The following ZNF385D variants were observed in gnomAD, a reference collection of about 807,000 sequenced individuals.
ZNF385D encodes zinc finger protein 385D.
ZNF385D carries 15 observed loss-of-function variants against 35.8 expected under a neutral mutation model. That is an observed-to-expected ratio of 0.42 (90% confidence interval 0.28 to 0.64). The LOEUF is 0.64. Among genes scored for constraint, ZNF385D ranks in the 30% least tolerant of loss-of-function variants. ZNF385D has a pLI of 0.23. For missense variants in ZNF385D, 474 were observed against 494.6 expected (o/e 0.96, Z 0.39); for synonymous variants, 212 against 186.8 (o/e 1.13, Z -1.10).
chr3:21,698,835 G>C (rs908691485), intron 1 of ZNF385D, among the ~76,000 whole-genome samples: 1 of 152,068 alleles, frequency 6.6e-6, no homozygotes, highest in Non-Finnish European at 1.5e-5. Flanking sequence ...AAAAAGTCAG[G>C]AAACAACAGA....
chr3:21,787,319 T>G (rs1214310592), intron 3 of ZNF385D, among the ~76,000 whole-genome samples: 1 of 151,954 alleles, frequency 6.6e-6, no homozygotes, highest in Non-Finnish European at 1.5e-5. Flanking sequence ...ACTGAGAAAA[T>G]GGACTTCGAA....
intron 3 of ZNF385D, among the ~76,000 whole-genome samples, chr3:22,145,669 A>T (rs1402986642): frequency 3.3e-5 from 5 of 152,178 alleles, no homozygotes; most frequent in African/African-American, 1.2e-4. Flanking sequence ...TGGGATGGGG[A>T]TGAGGAGTTA....
At chr3:21,544,058 G>A (rs1278943313) in intron 3 of ZNF385D, among the ~76,000 whole-genome samples, 1 of 152,202 alleles carries the variant, frequency 6.6e-6, no homozygotes, top group Non-Finnish European at 1.5e-5. Context: ...CCTAAAGAAA[G>A]ACAAGCACTT....
chr3:21,942,390 A>G (rs1380798225), intron 3 of ZNF385D, among the ~76,000 whole-genome samples: 3 of 152,218 alleles, frequency 2.0e-5, no homozygotes, highest in South Asian at 2.1e-4. Flanking sequence ...CTTCCTTACT[A>G]TGACACATAA....
intron 3 of ZNF385D, among the ~76,000 whole-genome samples, chr3:21,974,888 A>G (rs1210847312): frequency 6.6e-6 from 1 of 152,144 alleles, no homozygotes; most frequent in African/African-American, 2.4e-5. Context: ...ATCCCAGTTA[A>G]AAGGGTTTTG....
rs746553669 is a variant in ZNF385D at position 21,751,187 on chromosome 3, T to G, written c.-271A>C. 7.3e-7 allele frequency: 1 copy of G among 1,374,636 alleles called. No individual in the cohort carries two copies. The highest frequency in any genetic ancestry group is 9.4e-7 in the Non-Finnish European group (1 of 1,062,138). The allele number at this position is 1,374,636 out of a possible 1,614,324, so 85.2% of individuals were successfully genotyped here. ...ATCCGACTCCTCCTTGCGATGTCCT[T>G]GCCGCGCCTGTGACATCAGGACTGA... On this transcript the variant is annotated 5_prime_UTR_variant, in exon 1 of 8. Coordinates refer to ENST00000281523, the MANE Select transcript of ZNF385D (RefSeq NM_024697.3).
intron 3 of ZNF385D, among the ~76,000 whole-genome samples, chr3:21,925,186 T>C (rs938238466): frequency 2.6e-5 from 4 of 152,118 alleles, no homozygotes; most frequent in Admixed American, 2.6e-4. Context: ...GTAGGTAGAA[T>C]AGCTAAAATA....
At chr3:22,021,868 C>T (rs554150357) in intron 3 of ZNF385D, among the ~76,000 whole-genome samples, 26 of 152,152 alleles carry the variant, frequency 1.7e-4, no homozygotes, top group Admixed American at 9.8e-4. Context: ...GTCTAGGATG[C>T]GGCCTGCACT....
intron 2 of ZNF385D, among the ~76,000 whole-genome samples, chr3:22,311,107 CA>C (rs748528418): frequency 5.3e-5 from 8 of 151,644 alleles, no homozygotes; most frequent in Non-Finnish European, 5.9e-5. Flanking sequence ...AAGATGAAAT[CA>C]GGGGTACGAC....
intron 3 of ZNF385D, among the ~76,000 whole-genome samples, chr3:21,969,374 G>A (rs1184998554): frequency 6.6e-6 from 1 of 152,184 alleles, no homozygotes; most frequent in East Asian, 1.9e-4. Context: ...AAGATCTGAT[G>A]GTTTTATAAG....
intron 3 of ZNF385D, among the ~76,000 whole-genome samples, chr3:22,124,864 C>T (rs758552078): frequency 4.6e-5 from 7 of 152,070 alleles, no homozygotes; most frequent in Middle Eastern, 6.8e-3. Context: ...CCATACTGTG[C>T]GTTGTTTCTT....
intron 3 of ZNF385D, among the ~76,000 whole-genome samples, chr3:21,763,094 G>A (rs933379448): frequency 6.6e-6 from 1 of 152,082 alleles, no homozygotes; most frequent in African/African-American, 2.4e-5. Context: ...CCAAAGACAA[G>A]AATATGGTAA....
At chr3:21,822,611 C>T (rs548095273) in intron 3 of ZNF385D, among the ~76,000 whole-genome samples, 11 of 151,748 alleles carry the variant, frequency 7.2e-5, no homozygotes, top group African/African-American at 1.5e-4. Context: ...GAATGGAAAC[C>T]GAAAAAGAAT....
chr3:21,548,148 T>A lies in ZNF385D; in HGVS notation c.276+16426A>T, dbSNP rs185671646. Among the ~76,000 whole-genome samples, 3 of 152,206 alleles carry A rather than the reference T, an allele frequency of 2.0e-5. No individual in the cohort carries two copies. In the East Asian group the frequency reaches 5.8e-4, roughly 30 times the overall value. ...TCTTTTCACCCAATAAAACCCTGCT[T>A]TACTCACCCTTTACGCCATTTGGGA... is the stretch of plus-strand genomic sequence containing the variant. On this transcript the variant is annotated intron_variant, in intron 3 of 7. Coordinates refer to ENST00000281523, the MANE Select transcript of ZNF385D (RefSeq NM_024697.3).
intron 3 of ZNF385D, among the ~76,000 whole-genome samples, chr3:22,079,658 G>A (rs964701791): frequency 6.6e-6 from 1 of 151,682 alleles, no homozygotes; most frequent in African/African-American, 2.4e-5. Context: ...AGATTATTTT[G>A]GTTTCATTGA....
chr3:22,017,453 C>T (rs1696962089), intron 3 of ZNF385D, among the ~76,000 whole-genome samples: 1 of 151,884 alleles, frequency 6.6e-6, no homozygotes, highest in Non-Finnish European at 1.5e-5. Flanking sequence ...GAAATCAAAG[C>T]TCTATTATTT....
rs62236080 is a variant in ZNF385D at position 21,556,803 on chromosome 3, C to T, written c.276+7771G>A. On this transcript the variant is annotated intron_variant, in intron 3 of 7. Transcript: ENST00000281523. ...TTTCACGATATCGATTCTTCCTATCCGTGGGCATGGAATGTTTTTCCATTT... is the reference window on the plus strand; with the variant it reads ...TTTCACGATATCGATTCTTCCTATCTGTGGGCATGGAATGTTTTTCCATTT... Among the ~76,000 whole-genome samples the T allele has an allele frequency of 7.5e-3, 1,142 of 152,238 alleles. 8 individuals are homozygous for T. The highest frequency in any genetic ancestry group is 0.011 in the Non-Finnish European group (772 of 68,024).
intron 2 of ZNF385D, among the ~76,000 whole-genome samples, chr3:22,261,109 ATCC>A: frequency 6.7e-6 from 1 of 150,362 alleles, no homozygotes; most frequent in South Asian, 2.1e-4. Context: ...CCATCCATCC[ATCC>A]ATCCATCCAT....
intron 2 of ZNF385D, among the ~76,000 whole-genome samples, chr3:22,187,684 AT>A (rs1419427910): frequency 6.6e-6 from 1 of 152,162 alleles, no homozygotes; most frequent in African/African-American, 2.4e-5. Context: ...TATATATTTA[AT>A]TAAAATTAGG....
Sources: gnomAD v4.1 joint callset for allele counts (sites outside exome capture counted in the v4.1 genomes callset) on GRCh38, gnomAD v4.1.1 for gene constraint, MANE v1.5 for transcripts, NCBI Gene and HGNC (gene_info 2026-07-23, HGNC 2026-07-21) for gene names.